CCDC33: variants seen among roughly 807,000 people sequenced by gnomAD.
CCDC33 encodes coiled-coil domain containing 33.
In CCDC33, 94 loss-of-function variants were observed where a neutral mutation model predicts 91.9. That is an observed-to-expected ratio of 1.02 (90% confidence interval 0.87 to 1.21). CCDC33 has a LOEUF of 1.21. Among genes scored for constraint, CCDC33 ranks in the 50% most tolerant of loss-of-function variants. The probability of loss-of-function intolerance (pLI) is 0.00; values close to 1 mark genes in which losing one functional copy is unlikely to be tolerated. For missense variants in CCDC33, 940 were observed against 935.5 expected, an observed-to-expected ratio of 1.00 and a Z score of -0.06; for synonymous variants, 396 against 374.5, an observed-to-expected ratio of 1.06 and a Z score of -0.66.
At chr15:74,203,113 T>A in intron 1 of CCDC33, 1 of 985,558 alleles carries the variant, frequency 1.0e-6, no homozygotes, top group Non-Finnish European at 1.2e-6. Flanking sequence ...GACGGACCGC[T>A]GGGGCTGGGC....
intron 2 of CCDC33, among the ~76,000 whole-genome samples, chr15:74,250,399 C>A (rs1454109152): frequency 1.3e-5 from 2 of 152,180 alleles, no homozygotes; most frequent in Non-Finnish European, 2.9e-5. Flanking sequence ...TCCAGCCACA[C>A]TGGACATCTC....
intron 2 of CCDC33, among the ~76,000 whole-genome samples, chr15:74,256,940 G>A (rs1410794628): frequency 6.6e-6 from 1 of 152,172 alleles, no homozygotes; most frequent in Non-Finnish European, 1.5e-5. Context: ...ATCCTTGTTT[G>A]ACAGGAAGAT....
intron 2 of CCDC33, 122 bp from the exon 3 acceptor site, chr15:74,262,318 G>A: frequency 2.3e-6 from 3 of 1,320,908 alleles, no homozygotes; most frequent in Middle Eastern, 3.8e-4. Context: ...TCTATGCATG[G>A]GACAGAGCTC....
At chr15:74,298,986 C>T (rs1391282399) in intron 11 of CCDC33, among the ~76,000 whole-genome samples, 4 of 152,192 alleles carry the variant, frequency 2.6e-5, no homozygotes, top group African/African-American at 7.2e-5. Context: ...GCTGAGATTA[C>T]AGACCTGAGC....
chr15:74,218,407 G>A lies in CCDC33; in HGVS notation c.311-90G>A. On this transcript the variant is annotated intron_variant, in intron 1 of 2. Transcript: ENST00000635913. The surrounding 1 kb of genome is among the most constrained non-coding windows in gnomAD (Gnocchi z 4.8). ...TTGACTCAAAGTCTGGGCAGCCCAGGTTTCCCCAGGGCCCTGCCTGTCCTC... is the reference window on the plus strand; with the variant it reads ...TTGACTCAAAGTCTGGGCAGCCCAGATTTCCCCAGGGCCCTGCCTGTCCTC... 8.4e-7 allele frequency: 1 copy of A among 1,190,728 alleles called. No homozygotes were observed. Among genetic ancestry groups the A allele is most frequent in the Non-Finnish European group, 1.1e-6 (1 of 936,194 alleles). The allele number at this position is 1,190,728 out of a possible 1,614,324, so 73.8% of individuals were successfully genotyped here.
Position 74,236,505 on chromosome 15 carries a change from CCTGGCCACCCTCCCCCTCCCCCCACAT to C in CCDC33, c.-213_-187del. On this transcript the variant is annotated 5_prime_UTR_variant, in exon 1 of 19. Transcript: ENST00000398814. ...CTGAGAGATCCAGGACCTGCTCCCA[CCTGGCCACCCTCCCCCTCCCCCCACAT>C]CCAGGCCCCAGGGCTGGTGTGTGGC... The C allele has an allele frequency of 2.4e-6, 1 of 410,966 alleles. No individual in the cohort carries two copies. 25.5% of individuals were successfully genotyped at this position (410,966 alleles called of 1,614,324 possible).
At chr15:74,221,717 A>G (rs562051407) in intron 2 of CCDC33, among the ~76,000 whole-genome samples, 7 of 152,276 alleles carry the variant, frequency 4.6e-5, no homozygotes, top group Admixed American at 3.9e-4. Context: ...TGCTGGGAGC[A>G]TGCAGGCAGG....
intron 1 of CCDC33, chr15:74,208,814 T>C: frequency 1.0e-6 from 1 of 988,114 alleles, no homozygotes; most frequent in Non-Finnish European, 1.2e-6. Flanking sequence ...AATCAAGCGC[T>C]CTCCTGACCT....
Position 74,218,514 on chromosome 15 carries a change from G to A in CCDC33, c.328G>A (p.Gly110Arg), listed in dbSNP as rs1443794199. ...TCATCCAGGTTTCTGCAAGAATGACGGGCAGCATGATGCTCAGCTGCATGT... is the reference window on the plus strand; with the variant it reads ...TCATCCAGGTTTCTGCAAGAATGACAGGCAGCATGATGCTCAGCTGCATGT... Residue 110 changes from glycine to arginine, a missense_variant, in exon 2 of 3, where the codon GGG becomes AGG. Transcript: ENST00000635913. The surrounding 1 kb of genome is among the most constrained non-coding windows in gnomAD (Gnocchi z 4.8). 13 of 1,286,290 alleles carry A rather than the reference G, an allele frequency of 1.0e-5. No homozygotes were observed. The highest frequency in any genetic ancestry group is 2.5e-5 in the South Asian group (2 of 80,602). 79.7% of individuals were successfully genotyped at this position (1,286,290 alleles called of 1,614,324 possible).
At position 74,229,801 on chromosome 15, in the gene CCDC33, A is replaced by G. The variant is rs568798773; in HGVS notation, c.675+10940A>G. ...TACATCAAGCACCCATCTGGTGCCA[A>G]TTCTGCACCAGGCAACATGCTGGGC... On this transcript the variant is annotated intron_variant, in intron 2 of 2. Coordinates refer to the CCDC33 transcript ENST00000635913. Among the ~76,000 whole-genome samples, 21 of 152,336 alleles carry G rather than the reference A, an allele frequency of 1.4e-4. No individual in the cohort carries two copies. In the South Asian group the frequency reaches 1.9e-3, roughly 14 times the overall value.
At chr15:74,322,459 C>G (rs890937222) in intron 11 of CCDC33, among the ~76,000 whole-genome samples, 4 of 152,240 alleles carry the variant, frequency 2.6e-5, no homozygotes, top group African/African-American at 9.6e-5. Context: ...GTCCTCACCA[C>G]TCAGCCCCAA....
Position 74,332,763 on chromosome 15 carries a change from C to G in CCDC33, c.1856C>G (p.Ala619Gly). The G allele has an allele frequency of 1.2e-6, 2 of 1,614,220 alleles. No individual in the cohort carries two copies. Among genetic ancestry groups the G allele is most frequent in the Non-Finnish European group, 1.7e-6 (2 of 1,180,038 alleles). ...LPVELYSVLL[A>G]ENAKLRTELD... Reference sequence around the variant, plus strand: ...GTTGAACTTTACTCGGTGCTGCTGGCAGAAAACGCGAAGCTGCGGACGGAG... The same window carrying G: ...GTTGAACTTTACTCGGTGCTGCTGGGAGAAAACGCGAAGCTGCGGACGGAG... The change falls in exon 16 of 19, where the codon GCA becomes GGA. Residue 619 changes from alanine (A) to glycine (G), a missense_variant. Ala to Gly is a moderately conservative substitution (Grantham distance 60). Coordinates refer to ENST00000398814, the MANE Select transcript of CCDC33 (RefSeq NM_025055.5).
Position 74,244,018 on chromosome 15 carries a change from T to G in CCDC33, c.55T>G (p.Ser19Ala). ...AGACCCAGAGGAGCCCCTGATCGCCTCCCAGAGCACGGAACCTGAGATCGG... is the reference window on the plus strand; with the variant it reads ...AGACCCAGAGGAGCCCCTGATCGCCGCCCAGAGCACGGAACCTGAGATCGG... ...TEDPEEPLIASQSTEPEIGHL... is the reference protein window; with the variant it reads ...TEDPEEPLIAAQSTEPEIGHL... The change falls in exon 2 of 19, where the codon TCC becomes GCC. Residue 19 changes from serine to alanine, a missense_variant. Coordinates refer to ENST00000398814, the MANE Select transcript of CCDC33 (RefSeq NM_025055.5). The surrounding 1 kb of genome is among the most constrained non-coding windows in gnomAD (Gnocchi z 4.2). 4 of 1,612,144 alleles carry G rather than the reference T, an allele frequency of 2.5e-6. No individual in the cohort carries two copies. Among genetic ancestry groups the G allele is most frequent in the Non-Finnish European group, 3.4e-6 (4 of 1,179,582 alleles).
chr15:74,329,177 T>TATATAC (rs1430013183), intron 11 of CCDC33, among the ~76,000 whole-genome samples: 1 of 152,134 alleles, frequency 6.6e-6, no homozygotes, highest in African/African-American at 2.4e-5. Context: ...TATATATATA[T>TATATAC]ACATGCACAT....
At chr15:74,288,243 A>G (rs2059517675) in intron 10 of CCDC33, among the ~76,000 whole-genome samples, 1 of 152,054 alleles carries the variant, frequency 6.6e-6, no homozygotes, top group South Asian at 2.1e-4. Flanking sequence ...CCAGAGGCCA[A>G]CTCCAGAGAA....
intron 10 of CCDC33, among the ~76,000 whole-genome samples, chr15:74,291,241 T>C (rs2059578999): frequency 6.6e-6 from 1 of 152,226 alleles, no homozygotes; most frequent in Non-Finnish European, 1.5e-5. Context: ...GCCTGTTGTC[T>C]GAGCTTCGCC....
At chr15:74,277,661 T>C (rs957761822) in intron 7 of CCDC33, among the ~76,000 whole-genome samples, 11 of 152,036 alleles carry the variant, frequency 7.2e-5, no homozygotes, top group African/African-American at 2.7e-4. Flanking sequence ...TAACTTTGAG[T>C]TCCCACCACT....
chr15:74,303,898 C>G (rs937802816), intron 11 of CCDC33: 1 of 152,382 alleles, frequency 6.6e-6, no homozygotes, highest in Admixed American at 6.5e-5. Context: ...CTGTCCCTCC[C>G]CCAACTCTGA....
At chr15:74,296,921 TG>T (rs1414261155) in intron 11 of CCDC33, among the ~76,000 whole-genome samples, 1 of 152,194 alleles carries the variant, frequency 6.6e-6, no homozygotes, top group Non-Finnish European at 1.5e-5. Flanking sequence ...GCGGGTCCCA[TG>T]GGGAACGCTG....
Sources: gnomAD v4.1 joint callset for allele counts (sites outside exome capture counted in the v4.1 genomes callset) on GRCh38, gnomAD v4.1.1 for gene constraint, Gnocchi (gnomAD v3.1) non-coding constraint, MANE v1.5 for transcripts, NCBI Gene and HGNC (gene_info 2026-07-23, HGNC 2026-07-21) for gene names.